The following TRAF3IP1 variants were observed in gnomAD, a reference collection of about 807,000 sequenced individuals.
TRAF3IP1 encodes intraflagellar transport 54.
Under a neutral mutation model 89.9 loss-of-function variants are expected in TRAF3IP1, and 53 were observed. That is an observed-to-expected ratio of 0.59 (90% CI 0.47 to 0.74). The LOEUF is 0.74. TRAF3IP1 is among the 30% of genes least tolerant of loss of function. The probability of loss-of-function intolerance (pLI) is 0.00; values close to 1 mark genes in which losing one functional copy is unlikely to be tolerated. For synonymous variants in TRAF3IP1, 311 were observed against 322.1 expected, an observed-to-expected ratio of 0.97 and a Z score of 0.37; for missense variants, 806 against 866.1, an observed-to-expected ratio of 0.93 and a Z score of 0.87.
rs540124768 is a variant in TRAF3IP1, at chr2:238,347,631, T to C, written c.1282+156T>C. On this transcript the variant is annotated intron_variant, in intron 10 of 16. Transcript: ENST00000373327. ...ATAACTACCCTAATGTATTTATTTA[T>C]TTATTTATTTTTTGAGATGGAGTTT... 2.3e-4 allele frequency among the ~76,000 whole-genome samples: 35 copies of C among 152,290 alleles called. No homozygotes were observed. In the East Asian group the frequency reaches 6.7e-3, roughly 29 times the overall value.
Position 238,398,931 on chromosome 2 carries a change from T to G in TRAF3IP1, c.*12T>G, listed in dbSNP as rs1325840843. The G allele has an allele frequency of 6.3e-7, 1 of 1,584,122 alleles. No individual in the cohort carries two copies. Among genetic ancestry groups the G allele is most frequent in the Non-Finnish European group, 8.5e-7 (1 of 1,169,962 alleles). On this transcript the variant is annotated 3_prime_UTR_variant, in exon 17 of 17. Coordinates refer to ENST00000373327, the MANE Select transcript of TRAF3IP1 (RefSeq NM_015650.4). The stretch of plus-strand genomic sequence containing the variant: ...CTTCGAGAAGGTGAACACTCAAAAG[T>G]TTCAGAGATGAAAAGTCACCTCAGT...
intron 9 of TRAF3IP1, chr2:238,347,068 C>A (rs6751361): frequency 0.1 from 18,764 of 185,390 alleles, 1,641 homozygotes; most frequent in African/African-American, 0.25. Flanking sequence ...TTTGGAACGG[C>A]CCGGGATTTG....
At chr2:238,372,702 A>T (rs1235578054) in intron 15 of TRAF3IP1, among the ~76,000 whole-genome samples, 1 of 152,204 alleles carries the variant, frequency 6.6e-6, no homozygotes, top group Non-Finnish European at 1.5e-5. Context: ...TTGAGGAATA[A>T]CCACACTGTC....
At chr2:238,347,807 A>G (rs953369713) in intron 10 of TRAF3IP1, among the ~76,000 whole-genome samples, 2 of 151,936 alleles carry the variant, frequency 1.3e-5, no homozygotes, top group Admixed American at 6.6e-5. Context: ...TTGTATTTTT[A>G]GTAGAGACGG....
Position 238,400,427 on chromosome 2 carries a change from C to G in TRAF3IP1, c.*1508C>G, listed in dbSNP as rs941729130. ...TTTCTTTAAGGATTAGCACAAATGG[C>G]ACCGTTGGGTTTTTCTTCATACAAT... On this transcript the variant is annotated 3_prime_UTR_variant, in exon 17 of 17. Coordinates refer to ENST00000373327, the MANE Select transcript of TRAF3IP1 (RefSeq NM_015650.4). 3.3e-5 allele frequency: 5 copies of G among 152,134 alleles called. No individual in the cohort carries two copies. The highest frequency in any genetic ancestry group is 9.7e-5 in the African/African-American group (4 of 41,424). The allele number at this position is 152,134 out of a possible 1,614,324, so 9.4% of individuals were successfully genotyped here.
rs1699012829 is a variant in TRAF3IP1 at position 238,348,759 on chromosome 2, T to C, written c.1283-5T>C. 1 of 1,613,638 alleles carries C rather than the reference T, an allele frequency of 6.2e-7. No homozygotes were observed. Among genetic ancestry groups the C allele is most frequent in the Admixed American group, 1.7e-5 (1 of 60,020 alleles). ...TGAATTGCTAATTGATTGTCATTTG[T>C]TTAGAAGGAGATGCTGGACCTGCTG... On this transcript the variant is annotated splice_polypyrimidine_tract_variant and splice_region_variant and intron_variant, in intron 10 of 16. Coordinates refer to ENST00000373327, the MANE Select transcript of TRAF3IP1 (RefSeq NM_015650.4).
At position 238,320,535 on chromosome 2, in the gene TRAF3IP1, C is replaced by G; in HGVS notation, c.-128C>G. The G allele has an allele frequency of 3.0e-6, 3 of 1,016,622 alleles. No homozygotes were observed. The highest frequency in any genetic ancestry group is 3.5e-6 in the Non-Finnish European group (3 of 850,038). 63.0% of individuals were successfully genotyped at this position (1,016,622 alleles called of 1,614,324 possible). On this transcript the variant is annotated 5_prime_UTR_variant, in exon 1 of 17. Coordinates refer to ENST00000373327, the MANE Select transcript of TRAF3IP1 (RefSeq NM_015650.4). ...GCTCCGGTGCACTGTGGGATGGAAA[C>G]CGGAGCGGCGCGTCCTGGCAGGACC...
intron 15 of TRAF3IP1, among the ~76,000 whole-genome samples, chr2:238,361,278 C>G (rs1279692697): frequency 1.3e-5 from 2 of 152,100 alleles, no homozygotes; most frequent in African/African-American, 4.8e-5. Flanking sequence ...TCCTAGGCTC[C>G]AAGCGATCCT....
intron 15 of TRAF3IP1, among the ~76,000 whole-genome samples, chr2:238,369,070 G>A (rs1386443062): frequency 1.3e-5 from 2 of 152,104 alleles, no homozygotes; most frequent in Non-Finnish European, 2.9e-5. Context: ...CTGTATATTA[G>A]TATTTTGGGT....
At chr2:238,328,540 A>T (rs763751462) in intron 3 of TRAF3IP1, 146 bp from the exon 4 acceptor site, 1 of 1,022,320 alleles carries the variant, frequency 9.8e-7, no homozygotes, top group Non-Finnish European at 1.4e-6. Flanking sequence ...TGATAATAAC[A>T]TGTTCAAAAA....
chr2:238,348,679 C>T, intron 10 of TRAF3IP1, 85 bp from the exon 11 acceptor site: 1 of 1,192,904 alleles, frequency 8.4e-7, no homozygotes, highest in Non-Finnish European at 1.2e-6. Flanking sequence ...CAAATAACTG[C>T]AAATACAGAT....
rs143652394 is a variant in TRAF3IP1, at chr2:238,334,294, G to T, written c.1063+259G>T. The stretch of plus-strand genomic sequence containing the variant: ...AGATCTGTGTTGAAATCTAAAAGTT[G>T]TGATCAAATTTTCATTTTCCAGAAA... On this transcript the variant is annotated intron_variant, in intron 7 of 16. Transcript: ENST00000373327. 1.8e-3 allele frequency among the ~76,000 whole-genome samples: 279 copies of T among 152,290 alleles called. 3 individuals are homozygous for T. The highest frequency in any genetic ancestry group is 6.5e-3 in the African/African-American group (269 of 41,554).
intron 1 of TRAF3IP1, among the ~76,000 whole-genome samples, chr2:238,323,898 C>G (rs546590151): frequency 6.6e-6 from 1 of 152,116 alleles, no homozygotes; most frequent in South Asian, 2.1e-4. Flanking sequence ...GGTTTTAGGG[C>G]TAATTAGGAG....
intron 15 of TRAF3IP1, among the ~76,000 whole-genome samples, chr2:238,380,035 T>C (rs562393758): frequency 2.0e-5 from 3 of 152,362 alleles, no homozygotes; most frequent in East Asian, 3.9e-4. Flanking sequence ...GATTCTAAAA[T>C]GTAGAGAAAG....
chr2:238,376,081 T>C (rs1700303093), intron 15 of TRAF3IP1, among the ~76,000 whole-genome samples: 1 of 152,226 alleles, frequency 6.6e-6, no homozygotes, highest in Non-Finnish European at 1.5e-5. Context: ...TTTTCAGCCA[T>C]GAGAACCATG....
intron 15 of TRAF3IP1, among the ~76,000 whole-genome samples, chr2:238,392,422 C>G (rs1354432248): frequency 1.3e-5 from 2 of 152,200 alleles, no homozygotes; most frequent in African/African-American, 4.8e-5. Flanking sequence ...TCACCCCCAG[C>G]TACCACCATC....
At chr2:238,385,757 C>T (rs1470787148) in intron 15 of TRAF3IP1, among the ~76,000 whole-genome samples, 1 of 152,174 alleles carries the variant, frequency 6.6e-6, no homozygotes, top group Non-Finnish European at 1.5e-5. Context: ...CCTTTTGGTG[C>T]AAGGAGGGCA....
chr2:238,398,472 A>T (rs77008212), intron 16 of TRAF3IP1, among the ~76,000 whole-genome samples: 2 of 150,778 alleles, frequency 1.3e-5, no homozygotes, highest in East Asian at 3.9e-4. Context: ...CCCAAAGTCA[A>T]TGGGGACTTT....
At chr2:238,393,834 G>C (rs1374958345) in intron 15 of TRAF3IP1, among the ~76,000 whole-genome samples, 1 of 152,138 alleles carries the variant, frequency 6.6e-6, no homozygotes, top group Non-Finnish European at 1.5e-5. Context: ...TCTACTTTTG[G>C]ATTCTGTGTT....
Sources: gnomAD v4.1 joint callset for allele counts (sites outside exome capture counted in the v4.1 genomes callset) on GRCh38, gnomAD v4.1.1 for gene constraint, MANE v1.5 for transcripts, NCBI Gene and HGNC (gene_info 2026-07-23, HGNC 2026-07-21) for gene names.